EXPH5: variants seen among roughly 807,000 people sequenced by gnomAD.
The protein encoded by EXPH5 is exophilin-5.
Under a neutral mutation model 41.1 loss-of-function variants are expected in EXPH5, and 42 were observed. That is an observed-to-expected ratio of 1.02 (90% CI 0.80 to 1.32). The LOEUF (loss-of-function observed/expected upper bound fraction) is 1.32. Among genes scored for constraint, EXPH5 ranks in the 40% most tolerant of loss-of-function variants. The probability of loss-of-function intolerance (pLI) is 0.00; values close to 1 mark genes in which losing one functional copy is unlikely to be tolerated. For synonymous variants in EXPH5, 798 were observed against 833.5 expected (o/e 0.96, Z 0.73); for missense variants, 2,298 against 2,314.5 (o/e 0.99, Z 0.15).
Position 108,593,650 on chromosome 11 carries a change from G to A in EXPH5, c.-114C>T, listed in dbSNP as rs375039985. 1,205 of 1,587,984 alleles carry A rather than the reference G, an allele frequency of 7.6e-4. 2 individuals carry two copies. The highest frequency in any genetic ancestry group is 9.9e-4 in the Non-Finnish European group (1,155 of 1,165,384). ...AACTTGATCCCACAGCCAATAATAAGTCCGCCCCTTTGAAAGTCTAAAACC... is the reference window on the plus strand; with the variant it reads ...AACTTGATCCCACAGCCAATAATAAATCCGCCCCTTTGAAAGTCTAAAACC... On this transcript the variant is annotated 5_prime_UTR_variant, in exon 1 of 6. Coordinates refer to ENST00000265843, the MANE Select transcript of EXPH5 (RefSeq NM_015065.3).
intron 1 of EXPH5, among the ~76,000 whole-genome samples, chr11:108,589,731 A>T (rs1591763898): frequency 6.6e-6 from 1 of 152,190 alleles, no homozygotes; most frequent in Non-Finnish European, 1.5e-5. Flanking sequence ...ATACCCCAAG[A>T]AATGGTTGTG....
chr11:108,540,443 G>C (rs1177043356), intron 2 of EXPH5, among the ~76,000 whole-genome samples: 1 of 152,034 alleles, frequency 6.6e-6, no homozygotes, highest in Non-Finnish European at 1.5e-5. Flanking sequence ...GTATGTATGG[G>C]GGTGATCTAA....
chr11:108,556,832 T>C (rs2093992173), intron 1 of EXPH5, among the ~76,000 whole-genome samples: 1 of 152,198 alleles, frequency 6.6e-6, no homozygotes, highest in Non-Finnish European at 1.5e-5. Flanking sequence ...TGCCATCCCC[T>C]GCTTAAATCC....
the EXPH5 span, among the ~76,000 whole-genome samples, chr11:108,606,437 C>T: frequency 1.3e-5 from 2 of 152,172 alleles, no homozygotes; most frequent in African/African-American, 4.8e-5. Flanking sequence ...CTTACAAAGC[C>T]CTCTGTACCT....
In EXPH5 at chr11:108,513,270, A is replaced by G. The variant is rs1445609678; in HGVS notation, c.2237T>C (p.Leu746Ser). 2.5e-6 allele frequency: 4 copies of G among 1,611,952 alleles called. No individual in the cohort carries two copies. Among genetic ancestry groups the G allele is most frequent in the East Asian group, 2.2e-5 (1 of 44,888 alleles). Residue 746 changes from leucine to serine, a missense_variant, in exon 6 of 6, where the codon TTA (leucine) becomes TCA (serine). Transcript: ENST00000265843. ...SNSLPDFQNPLSQDSAKSNGF... is the reference protein window; with the variant it reads ...SNSLPDFQNPSSQDSAKSNGF... ...GTTGCTCTTGGCTGAGTCCTGGGAT[A>G]AGGGATTTTGAAAATCAGGTAAAGA...
the EXPH5 span, among the ~76,000 whole-genome samples, chr11:108,603,530 A>G: frequency 1.3e-5 from 2 of 152,214 alleles, no homozygotes; most frequent in African/African-American, 2.4e-5. Flanking sequence ...TGTTTTAAGA[A>G]AAATCATATT....
intron 1 of EXPH5, among the ~76,000 whole-genome samples, chr11:108,559,976 T>G (rs1347818971): frequency 1.3e-5 from 2 of 152,210 alleles, no homozygotes; most frequent in African/African-American, 4.8e-5. Context: ...TTGCTTTAAC[T>G]TTAAGGAATT....
chr11:108,601,537 G>T, the EXPH5 span, among the ~76,000 whole-genome samples: 2 of 152,082 alleles, frequency 1.3e-5, no homozygotes, highest in Non-Finnish European at 2.9e-5. Flanking sequence ...AAAACCTTAA[G>T]TACTGGAATC....
At chr11:108,564,434 T>C (rs1565824835) in intron 1 of EXPH5, among the ~76,000 whole-genome samples, 1 of 152,206 alleles carries the variant, frequency 6.6e-6, no homozygotes, top group African/African-American at 2.4e-5. Context: ...CTTTGTGTAG[T>C]CTATGTTTCC....
In EXPH5 at chr11:108,558,936, G is replaced by A. The variant is rs150623532; in HGVS notation, c.120-17124C>T. Among the ~76,000 whole-genome samples the A allele has an allele frequency of 3.8e-3, 583 of 152,252 alleles. 3 individuals are homozygous for A. Among genetic ancestry groups the A allele is most frequent in the African/African-American group, 0.013 (550 of 41,554 alleles). ...TTACAGTAAAAGGAGCTGAAGTCAC[G>A]AAAGGTGAAAACACTTGCCAGAGGT... On this transcript the variant is annotated intron_variant, in intron 1 of 5. Transcript: ENST00000265843.
rs1377160933 is a variant in EXPH5, at chr11:108,511,454, C to G, written c.4053G>C (p.Glu1351Asp). 1 of 1,582,014 alleles carries G rather than the reference C, an allele frequency of 6.3e-7. No individual in the cohort carries two copies. Among genetic ancestry groups the G allele is most frequent in the Admixed American group, 1.9e-5 (1 of 51,690 alleles). The change falls in exon 6 of 6, where the codon GAG becomes GAC. Residue 1351 changes from glutamate to aspartate, a missense_variant. By Grantham distance (45) the Glu-to-Asp change is conservative. Transcript: ENST00000265843. ...APTLQEMASV[E>D]AAVSLPEEES... is the part of the protein sequence containing the mutation. ...CCTCTTCAGGAAGAGAAACAGCTGC[C>G]TCAACAGAAGCCATTTCCTGTAATG...
chr11:108,567,074 A>G (rs1011812329), intron 1 of EXPH5, among the ~76,000 whole-genome samples: 2 of 152,170 alleles, frequency 1.3e-5, no homozygotes, highest in East Asian at 1.9e-4. Context: ...GTTAACTTAA[A>G]TCTCACTCTC....
At chr11:108,569,846 G>GCT (rs2094052226) in intron 1 of EXPH5, among the ~76,000 whole-genome samples, 1 of 151,918 alleles carries the variant, frequency 6.6e-6, no homozygotes, top group Non-Finnish European at 1.5e-5. Flanking sequence ...GAGGTGCCTA[G>GCT]ACCTCTGACT....
the EXPH5 span, among the ~76,000 whole-genome samples, chr11:108,600,582 C>A: frequency 1.3e-5 from 2 of 152,056 alleles, no homozygotes; most frequent in East Asian, 1.9e-4. Flanking sequence ...ATTATCAGGA[C>A]CTACTAGTGT....
Position 108,511,143 on chromosome 11 carries a change from G to A in EXPH5, c.4364C>T (p.Pro1455Leu), listed in dbSNP as rs756175919. 2.5e-6 allele frequency: 4 copies of A among 1,613,576 alleles called. No homozygotes were observed. Among genetic ancestry groups the A allele is most frequent in the Non-Finnish European group, 3.4e-6 (4 of 1,179,830 alleles). The change falls in exon 6 of 6, where the codon CCA becomes CTA. Residue 1455 changes from proline (P) to leucine (L), a missense_variant. By Grantham distance (98) the Pro-to-Leu change is moderately conservative. Coordinates refer to ENST00000265843, the MANE Select transcript of EXPH5 (RefSeq NM_015065.3). The stretch of plus-strand genomic sequence containing the variant: ...GGGACACTTGCCACTTCCAGTAAAT[G>A]GAATGGCTCTACCACTCCCTGTACA... ...WECTGSGRAI[P>L]FTGSGKCPQK... is the part of the protein sequence containing the mutation.
chr11:108,548,154 T>C (rs903548649), intron 1 of EXPH5, among the ~76,000 whole-genome samples: 15 of 151,522 alleles, frequency 9.9e-5, no homozygotes, highest in Non-Finnish European at 1.8e-4. Flanking sequence ...CTCAGAGTTC[T>C]TTACTGGAAT....
intron 1 of EXPH5, among the ~76,000 whole-genome samples, chr11:108,582,986 G>A (rs1238726249): frequency 6.6e-6 from 1 of 152,198 alleles, no homozygotes; most frequent in African/African-American, 2.4e-5. Flanking sequence ...GTCACATTCT[G>A]AGGTATTGGC....
rs1262890921 is a variant in EXPH5 at position 108,505,788 on chromosome 11, T to C, written c.*3749A>G. The C allele has an allele frequency of 2.0e-5, 3 of 152,226 alleles. No individual in the cohort carries two copies. The highest frequency in any genetic ancestry group is 4.4e-5 in the Non-Finnish European group (3 of 68,050). 9.4% of individuals were successfully genotyped at this position (152,226 alleles called of 1,614,324 possible). A position where few individuals can be genotyped will look rare whatever the true frequency, so the allele number is the denominator to read the frequency against. ...ACAAAGAATATTAATTTTATGGGGC[T>C]ATGAGTTTTACAGTTTGATTCCCAT... On this transcript the variant is annotated 3_prime_UTR_variant, in exon 6 of 6. Coordinates refer to ENST00000265843, the MANE Select transcript of EXPH5 (RefSeq NM_015065.3).
intron 3 of EXPH5, among the ~76,000 whole-genome samples, chr11:108,536,225 A>G (rs891002884): frequency 2.0e-5 from 3 of 151,984 alleles, no homozygotes; most frequent in Non-Finnish European, 4.4e-5. Context: ...GGAAGTGTAT[A>G]TGTTTGAGAA....
Sources: allele counts gnomAD v4.1 joint callset (sites outside exome capture counted in the v4.1 genomes callset), GRCh38; gene constraint gnomAD v4.1.1; transcripts MANE v1.5; gene names NCBI Gene and HGNC (gene_info 2026-07-23, HGNC 2026-07-21).